The following MYO19 variants were observed in gnomAD, a reference collection of about 807,000 sequenced individuals.
MYO19 encodes the protein unconventional myosin-XIX.
Under a neutral mutation model 129.2 loss-of-function variants are expected in MYO19, and 132 were observed. That is an observed-to-expected ratio of 1.02 (90% CI 0.89 to 1.18). The LOEUF (loss-of-function observed/expected upper bound fraction) is 1.18, where lower values mean the gene tolerates loss of function less well. Among genes scored for constraint, MYO19 ranks in the 50% most tolerant of loss-of-function variants. The probability of loss-of-function intolerance (pLI) is 0.00; values close to 1 mark genes in which losing one functional copy is unlikely to be tolerated. For missense variants in MYO19, 1,210 were observed against 1,216.7 expected, an observed-to-expected ratio of 0.99 and a Z score of 0.08; for synonymous variants, 531 against 477.2, an observed-to-expected ratio of 1.11 and a Z score of -1.47.
chr17:36,518,496 A>G (rs7209904), intron 6 of MYO19, among the ~76,000 whole-genome samples: 7 of 14,350 alleles, frequency 4.9e-4, no homozygotes, highest in African/African-American at 1.4e-3. Flanking sequence ...GAGGAAAAAA[A>G]AAAAAAAAAA....
In MYO19 at chr17:36,501,174, A is replaced by T. The variant is rs759744839; in HGVS notation, c.2142T>A (p.Thr714=). 8.7e-6 allele frequency: 14 copies of T among 1,613,874 alleles called. No homozygotes were observed. Among genetic ancestry groups the T allele is most frequent in the South Asian group, 5.5e-5 (5 of 91,092 alleles). ...LEPLIQDILH[T]LPVLTQAAAI... is the part of the protein sequence containing the mutation. Reference sequence around the variant, plus strand: ...CTGCTGCCTGAGTTAGGACCGGCAGAGTGTGGAGAATGTCCTGGATGAGAG... The same window carrying T: ...CTGCTGCCTGAGTTAGGACCGGCAGTGTGTGGAGAATGTCCTGGATGAGAG... Residue 714 remains threonine (T), a synonymous_variant, in exon 22 of 26, where the codon ACT becomes ACA. Coordinates refer to ENST00000614623, the MANE Select transcript of MYO19 (RefSeq NM_001163735.2).
chr17:36,510,638 C>T, intron 13 of MYO19, 108 bp downstream of exon 13: 2 of 1,267,842 alleles, frequency 1.6e-6, no homozygotes, highest in African/African-American at 1.5e-5. Context: ...TCTGTCTTAT[C>T]TCCCACCCTG....
rs1028314679 is a variant in MYO19 at position 36,534,554 on chromosome 17, G to C, written c.-296+207C>G. Reference sequence around the variant, plus strand: ...GGAAAGGTGGAGGGTGATCAAGAAAGACTTGTTTCAAGCAAGAGCCAAGAG... The same window carrying C: ...GGAAAGGTGGAGGGTGATCAAGAAACACTTGTTTCAAGCAAGAGCCAAGAG... On this transcript the variant is annotated intron_variant, in intron 1 of 25. Coordinates refer to ENST00000614623, the MANE Select transcript of MYO19 (RefSeq NM_001163735.2). 1.1e-3 allele frequency: 161 copies of C among 152,454 alleles called. 2 individuals are homozygous for C. Among genetic ancestry groups the C allele is most frequent in the Non-Finnish European group, 1.9e-4 (13 of 68,130 alleles). 9.4% of individuals were successfully genotyped at this position (152,454 alleles called of 1,614,324 possible).
At chr17:36,529,799 G>C (rs956095901) in intron 3 of MYO19, among the ~76,000 whole-genome samples, 1 of 152,166 alleles carries the variant, frequency 6.6e-6, no homozygotes, top group African/African-American at 2.4e-5. Context: ...TCTGAGTATA[G>C]TGATCAAGTA....
chr17:36,537,400 G>A, upstream of MYO19: 2 of 1,613,902 alleles, frequency 1.2e-6, no homozygotes, highest in Non-Finnish European at 1.7e-6. Context: ...ATATACCGAA[G>A]GAGGACCTGC....
intron 5 of MYO19, among the ~76,000 whole-genome samples, chr17:36,526,561 A>C (rs1260481760): frequency 6.6e-6 from 1 of 152,190 alleles, no homozygotes; most frequent in Non-Finnish European, 1.5e-5. Flanking sequence ...TTCCAGGGCA[A>C]TCCTTATCGT....
upstream of MYO19, chr17:36,538,221 T>A (rs760447553): frequency 3.7e-6 from 6 of 1,613,192 alleles, no homozygotes; most frequent in Non-Finnish European, 5.1e-6. Context: ...TTTAGCCTTT[T>A]GTATTTGGAT....
intron 24 of MYO19, chr17:36,498,826 T>C (rs1859818167): frequency 5.1e-6 from 3 of 593,946 alleles, no homozygotes; most frequent in Non-Finnish European, 6.0e-6. Flanking sequence ...AACCCAGTCT[T>C]CTAAAGTGTA....
chr17:36,512,389 CAAAAAA>C (rs551345278), intron 11 of MYO19, among the ~76,000 whole-genome samples: 4 of 77,912 alleles, frequency 5.1e-5, no homozygotes, highest in African/African-American at 1.8e-4. Flanking sequence ...AACTCCATCT[CAAAAAA>C]AAAAAAAAAA....
At chr17:36,510,224 G>A (rs2072223231) in intron 13 of MYO19, among the ~76,000 whole-genome samples, 1 of 152,220 alleles carries the variant, frequency 6.6e-6, no homozygotes, top group Non-Finnish European at 1.5e-5. Flanking sequence ...ATGGCCAGAG[G>A]GTGGAGGTAC....
upstream of MYO19, chr17:36,537,554 T>G: frequency 6.2e-7 from 1 of 1,614,186 alleles, no homozygotes; most frequent in Non-Finnish European, 8.5e-7. Context: ...ACTTCCCACT[T>G]TTTCCCAGAA....
At chr17:36,542,809 C>T (rs888021823) in intron 1 of MYO19, among the ~76,000 whole-genome samples, 1 of 151,704 alleles carries the variant, frequency 6.6e-6, no homozygotes, top group Admixed American at 6.6e-5. Context: ...TCCGCCTTCC[C>T]GGTTCAAGCG....
In MYO19 at chr17:36,527,783, C is replaced by T. The variant is rs918743421; in HGVS notation, c.152-84G>A. 2.1e-6 allele frequency: 3 copies of T among 1,407,998 alleles called. No homozygotes were observed. The African/African-American group carries it at 4.3e-5, about 20-fold the overall frequency. 87.2% of individuals were successfully genotyped at this position (1,407,998 alleles called of 1,614,324 possible). A position where few individuals can be genotyped will look rare whatever the true frequency, so the allele number is the denominator to read the frequency against. ...GACACACATCTACTTAAGTAACAGC[C>T]CTCTTTCTGCAATTAGCCAAGAATC... is the stretch of plus-strand genomic sequence containing the variant. On this transcript the variant is annotated intron_variant, in intron 4 of 25. Transcript: ENST00000614623.
upstream of MYO19, among the ~76,000 whole-genome samples, chr17:36,536,628 C>CCT (rs2074136399): frequency 6.7e-6 from 1 of 150,172 alleles, no homozygotes; most frequent in Non-Finnish European, 1.5e-5. Context: ...GATTCTCCTG[C>CCT]CTCAGCCTCT....
chr17:36,507,665 CA>C, intron 15 of MYO19, 137 bp downstream of exon 15: 2 of 1,248,874 alleles, frequency 1.6e-6, no homozygotes, highest in South Asian at 3.0e-5. Flanking sequence ...TCCATATGTG[CA>C]ATTATTATTT....
chr17:36,508,800 T>C (rs2072104733), intron 14 of MYO19: 1 of 502,156 alleles, frequency 2.0e-6, no homozygotes, highest in Non-Finnish European at 3.6e-6. Flanking sequence ...GCTGGGTCTC[T>C]GGGGAGGTAA....
In MYO19 at chr17:36,528,168, G is replaced by C. The variant is rs902729955; in HGVS notation, c.47C>G (p.Ala16Gly). ...NGHNPGSDGQ[A>G]REYLREDLQE... The stretch of plus-strand genomic sequence containing the variant: ...CAGGTCTTCTCTGAGGTACTCCCTG[G>C]CTTGGCCATCAGACCCCGGATTGTG... The change falls in exon 4 of 26, where the codon GCC becomes GGC. Residue 16 changes from alanine (A) to glycine (G), a missense_variant. Ala to Gly is a moderately conservative substitution (Grantham distance 60). Coordinates refer to ENST00000614623, the MANE Select transcript of MYO19 (RefSeq NM_001163735.2). 2 of 1,604,838 alleles carry C rather than the reference G, an allele frequency of 1.2e-6. No homozygotes were observed. The highest frequency in any genetic ancestry group is 1.3e-5 in the African/African-American group (1 of 74,870).
rs2071819989 is a variant in MYO19, at chr17:36,505,462, T to C, written c.1798-58A>G. On this transcript the variant is annotated intron_variant, in intron 18 of 25. Coordinates refer to ENST00000614623, the MANE Select transcript of MYO19 (RefSeq NM_001163735.2). ...AGAGGGGCTGCCCAGGGCCATCAAC[T>C]GGGCTCTGGTTAGTAACTACATCAA... 7 of 1,325,372 alleles carry C rather than the reference T, an allele frequency of 5.3e-6. No homozygotes were observed. In the East Asian group the frequency reaches 1.2e-4, roughly 22 times the overall value. The allele number at this position is 1,325,372 out of a possible 1,614,324, so 82.1% of individuals were successfully genotyped here. A position where few individuals can be genotyped will look rare whatever the true frequency, so the allele number is the denominator to read the frequency against.
chr17:36,529,854 T>C (rs1227753550), intron 3 of MYO19, among the ~76,000 whole-genome samples: 2 of 152,168 alleles, frequency 1.3e-5, no homozygotes, highest in Non-Finnish European at 2.9e-5. Context: ...CCTGACTCTA[T>C]CTCTTACAGT....
Sources: allele counts gnomAD v4.1 joint callset (sites outside exome capture counted in the v4.1 genomes callset), GRCh38; gene constraint gnomAD v4.1.1; transcripts MANE v1.5; gene names NCBI Gene and HGNC (gene_info 2026-07-23, HGNC 2026-07-21).